The following TSHZ2 variants were observed in gnomAD, a reference collection of about 807,000 sequenced individuals.
TSHZ2 encodes the protein teashirt zinc finger homeobox 2.
In TSHZ2, 21 loss-of-function variants were observed where a neutral mutation model predicts 74.4. The observed-to-expected ratio is 0.28, with a 90% CI of 0.20 to 0.41. TSHZ2 has a LOEUF of 0.41. Ranked by LOEUF, TSHZ2 falls within the 10% of genes least tolerant of loss-of-function variation. The pLI, the probability that TSHZ2 is intolerant of heterozygous loss-of-function variation, is 1.00. For missense variants in TSHZ2, 1,244 were observed against 1,293.5 expected, an observed-to-expected ratio of 0.96 and a Z score of 0.59; for synonymous variants, 540 against 515.3, an observed-to-expected ratio of 1.05 and a Z score of -0.65.
intron 2 of TSHZ2, among the ~76,000 whole-genome samples, chr20:53,447,728 T>C (rs914223148): frequency 6.6e-6 from 1 of 152,114 alleles, no homozygotes; most frequent in Non-Finnish European, 1.5e-5. Context: ...CCACTTTGGG[T>C]TTATCTGATG....
intron 2 of TSHZ2, among the ~76,000 whole-genome samples, chr20:53,458,475 A>C (rs375367051): frequency 2.0e-5 from 3 of 152,168 alleles, no homozygotes; most frequent in African/African-American, 7.2e-5. Context: ...TCTTGCTAGC[A>C]GTCTATCAAT....
intron 2 of TSHZ2, among the ~76,000 whole-genome samples, chr20:53,272,279 G>A (rs1384024501): frequency 6.6e-6 from 1 of 152,084 alleles, no homozygotes; most frequent in Non-Finnish European, 1.5e-5. Flanking sequence ...CAAAGTGCTA[G>A]GATTACAGGC....
At chr20:53,178,507 T>C (rs1988397259) in intron 1 of TSHZ2, 1 of 152,234 alleles carries the variant, frequency 6.6e-6, no homozygotes, top group African/African-American at 2.4e-5. Context: ...AAACATGCTG[T>C]AGATTTGGCC....
chr20:53,064,101 T>C (rs528208338), intron 1 of TSHZ2, among the ~76,000 whole-genome samples: 19 of 152,308 alleles, frequency 1.2e-4, no homozygotes, highest in African/African-American at 4.3e-4. Flanking sequence ...ATCAAATCAG[T>C]GTGGTCAATC....
chr20:53,138,287 G>A (rs865971477), intron 1 of TSHZ2, among the ~76,000 whole-genome samples: 145 of 151,998 alleles, frequency 9.5e-4, no homozygotes, highest in African/African-American at 3.2e-3. Context: ...GGGAGGCTGA[G>A]GCAGGAGAAT....
At chr20:52,999,792 C>T (rs2122955221) in intron 1 of TSHZ2, among the ~76,000 whole-genome samples, 1 of 152,230 alleles carries the variant, frequency 6.6e-6, no homozygotes, top group East Asian at 1.9e-4. Context: ...TTTAAAAAAT[C>T]CTACAGTTAA....
chr20:53,202,055 G>C (rs544758567), intron 1 of TSHZ2, among the ~76,000 whole-genome samples: 1 of 152,150 alleles, frequency 6.6e-6, no homozygotes, highest in Admixed American at 6.5e-5. Context: ...CATATGTGTC[G>C]CTCACATGGA....
In TSHZ2 at chr20:53,042,112, A is replaced by C. The variant is rs549685578; in HGVS notation, c.40+68779A>C. On this transcript the variant is annotated intron_variant, in intron 1 of 2. Transcript: ENST00000371497. ...ATAAATGTGTGGGGGCATGTTTCAA[A>C]AGCATATATATTAATATCTTCTGTG... Among the ~76,000 whole-genome samples, 15 of 152,286 alleles carry C rather than the reference A, an allele frequency of 9.8e-5. No individual in the cohort carries two copies. The South Asian group carries it at 2.7e-3, about 27-fold the overall frequency.
At chr20:53,429,413 C>T (rs778864379) in intron 2 of TSHZ2, among the ~76,000 whole-genome samples, 1 of 152,188 alleles carries the variant, frequency 6.6e-6, no homozygotes, top group African/African-American at 2.4e-5. Context: ...GGGAGGTAAT[C>T]GAATCATGGG....
intron 1 of TSHZ2, among the ~76,000 whole-genome samples, chr20:53,252,933 A>G (rs1990362948): frequency 6.6e-6 from 1 of 152,216 alleles, no homozygotes; most frequent in African/African-American, 2.4e-5. Flanking sequence ...GTGATTCCCT[A>G]CAAATAAAAA....
At chr20:53,096,916 A>AAAAAAC (rs1986067832) in intron 1 of TSHZ2, among the ~76,000 whole-genome samples, 1 of 150,010 alleles carries the variant, frequency 6.7e-6, no homozygotes, top group Admixed American at 6.6e-5. Flanking sequence ...CAAAAAAAAC[A>AAAAAAC]AAAAACAAAA....
chr20:53,075,697 T>C (rs1985344173), intron 1 of TSHZ2, among the ~76,000 whole-genome samples: 1 of 152,016 alleles, frequency 6.6e-6, no homozygotes, highest in South Asian at 2.1e-4. Flanking sequence ...AGGAGTAGGG[T>C]GATCACCAGC....
chr20:53,398,709 C>G (rs1982546462), intron 2 of TSHZ2: 1 of 152,256 alleles, frequency 6.6e-6, no homozygotes, highest in Non-Finnish European at 1.5e-5. Flanking sequence ...GCCATAATTG[C>G]ACCACTGCAC....
intron 2 of TSHZ2, among the ~76,000 whole-genome samples, chr20:53,298,267 G>T (rs563593515): frequency 2.6e-5 from 4 of 152,340 alleles, no homozygotes; most frequent in African/African-American, 7.2e-5. Context: ...TTCTAGAGGA[G>T]AGGGGCAGAG....
At chr20:53,037,955 C>T (rs1983881718) in intron 1 of TSHZ2, among the ~76,000 whole-genome samples, 1 of 151,956 alleles carries the variant, frequency 6.6e-6, no homozygotes, top group Non-Finnish European at 1.5e-5. Context: ...TCCACATGCG[C>T]TCAGGTAAAT....
At chr20:53,133,522 G>T (rs774599937) in intron 1 of TSHZ2, among the ~76,000 whole-genome samples, 4 of 152,162 alleles carry the variant, frequency 2.6e-5, no homozygotes, top group South Asian at 2.1e-4. Context: ...AAATCAAACC[G>T]CCAGAAAGTG....
At chr20:53,190,149 G>A (rs1600732062) in intron 1 of TSHZ2, among the ~76,000 whole-genome samples, 1 of 76,290 alleles carries the variant, frequency 1.3e-5, no homozygotes, top group Non-Finnish European at 2.8e-5. Context: ...TTTCTTAAAT[G>A]CCTCTGTTTC....
intron 2 of TSHZ2, among the ~76,000 whole-genome samples, chr20:53,391,151 T>TTTTGG (rs149288139): frequency 0.018 from 2,775 of 150,972 alleles, 42 homozygotes; most frequent in African/African-American, 0.04. Context: ...TTTTGTTTTG[T>TTTTGG]TTTGGTTTGG....
At chr20:53,473,708 T>A (rs1242412898) in intron 2 of TSHZ2, among the ~76,000 whole-genome samples, 1 of 151,742 alleles carries the variant, frequency 6.6e-6, no homozygotes, top group Non-Finnish European at 1.5e-5. Context: ...CAAATTACTC[T>A]GAGCTACGGG....
Sources: gnomAD v4.1 joint callset for allele counts (sites outside exome capture counted in the v4.1 genomes callset) on GRCh38, gnomAD v4.1.1 for gene constraint, MANE v1.5 for transcripts, NCBI Gene and HGNC (gene_info 2026-07-23, HGNC 2026-07-21) for gene names.